The following SIPA1L1 variants were observed in gnomAD, a reference collection of about 807,000 sequenced individuals.
SIPA1L1 encodes signal-induced proliferation-associated 1-like protein 1.
Under a neutral mutation model 162.7 loss-of-function variants are expected in SIPA1L1, and 26 were observed. The observed-to-expected ratio is 0.16, with a 90% CI of 0.12 to 0.22. The LOEUF (loss-of-function observed/expected upper bound fraction) is 0.22, where lower values mean the gene tolerates loss of function less well. Ranked by LOEUF, SIPA1L1 falls within the 10% of genes least tolerant of loss-of-function variation. The pLI is 1.00. For synonymous variants in SIPA1L1, 829 were observed against 837.4 expected (o/e 0.99, Z 0.17); for missense variants, 1,874 against 2,241.0 (o/e 0.84, Z 3.31).
At chr14:71,472,130 A>G (rs1014521541) in intron 2 of SIPA1L1, among the ~76,000 whole-genome samples, 21 of 152,082 alleles carry the variant, frequency 1.4e-4, no homozygotes, top group African/African-American at 4.6e-4. Flanking sequence ...CACCACCCTC[A>G]CTGCTTTGGG....
intron 2 of SIPA1L1, among the ~76,000 whole-genome samples, chr14:71,494,195 T>G (rs193286584): frequency 4.1e-4 from 63 of 152,326 alleles, no homozygotes; most frequent in African/African-American, 1.5e-3. Flanking sequence ...GACGTCCTTG[T>G]TTTGTTCCTG....
intron 2 of SIPA1L1, among the ~76,000 whole-genome samples, chr14:71,373,138 C>T (rs1211160684): frequency 6.6e-6 from 1 of 151,604 alleles, no homozygotes; most frequent in Non-Finnish European, 1.5e-5. Context: ...GGTGAAACCC[C>T]ATGTCTACTA....
chr14:71,590,148 A>C (rs140709614), intron 5 of SIPA1L1, among the ~76,000 whole-genome samples: 1 of 150,626 alleles, frequency 6.6e-6, no homozygotes, highest in East Asian at 1.9e-4. Context: ...GTTTTATCTC[A>C]TACTTTTAAG....
chr14:71,410,760 G>T (rs71427111), intron 2 of SIPA1L1, among the ~76,000 whole-genome samples: 2 of 152,110 alleles, frequency 1.3e-5, no homozygotes, highest in Non-Finnish European at 2.9e-5. Context: ...GAGTCAGGGT[G>T]GGGGGTAAGG....
At chr14:71,650,218 A>G (rs2042508196) in intron 7 of SIPA1L1, 117 bp from the exon 8 acceptor site, 1 of 1,015,920 alleles carries the variant, frequency 9.8e-7, no homozygotes, top group South Asian at 1.3e-5. Flanking sequence ...AAGGATTTCA[A>G]GAGAAGAAAG....
chr14:71,360,053 T>C (rs917021527), intron 2 of SIPA1L1, among the ~76,000 whole-genome samples: 1 of 152,186 alleles, frequency 6.6e-6, no homozygotes, highest in African/African-American at 2.4e-5. Flanking sequence ...AGATCTCCCA[T>C]CTTGTGAGAG....
intron 2 of SIPA1L1, among the ~76,000 whole-genome samples, chr14:71,331,823 T>C (rs1450179575): frequency 6.6e-6 from 1 of 152,164 alleles, no homozygotes; most frequent in East Asian, 1.9e-4. Context: ...AGCACTGTTT[T>C]ATATTTTGGA....
At chr14:71,339,950 G>T (rs550869094) in intron 2 of SIPA1L1, among the ~76,000 whole-genome samples, 1 of 152,302 alleles carries the variant, frequency 6.6e-6, no homozygotes, top group East Asian at 1.9e-4. Flanking sequence ...CTACTGAGTT[G>T]AGGCGTTATC....
intron 5 of SIPA1L1, among the ~76,000 whole-genome samples, chr14:71,606,959 A>G (rs1320882385): frequency 6.6e-6 from 1 of 151,986 alleles, no homozygotes; most frequent in Non-Finnish European, 1.5e-5. Context: ...CTTCATATAC[A>G]GTCATATACA....
intron 2 of SIPA1L1, among the ~76,000 whole-genome samples, chr14:71,480,453 T>TA (rs71448367): frequency 0.055 from 6,843 of 124,692 alleles, 421 homozygotes; most frequent in African/African-American, 0.16. Flanking sequence ...CTCTTAGTCT[T>TA]AAAAAAAAAA....
intron 4 of SIPA1L1, among the ~76,000 whole-genome samples, chr14:71,550,099 A>G (rs1213032080): frequency 2.6e-5 from 4 of 152,100 alleles, no homozygotes; most frequent in East Asian, 3.9e-4. Context: ...ATTTTCAAAA[A>G]AATTAGCCAG....
chr14:71,557,683 C>T (rs1382971097), intron 4 of SIPA1L1, among the ~76,000 whole-genome samples: 1 of 152,122 alleles, frequency 6.6e-6, no homozygotes, highest in Admixed American at 6.5e-5. Flanking sequence ...ATGATTGACT[C>T]CTATGTGAGT....
chr14:71,621,904 TTCTC>T (rs1343277101), intron 6 of SIPA1L1, among the ~76,000 whole-genome samples: 1 of 152,232 alleles, frequency 6.6e-6, no homozygotes, highest in South Asian at 2.1e-4. Context: ...TATAATTTTT[TTCTC>T]TCTAATAATA....
intron 2 of SIPA1L1, among the ~76,000 whole-genome samples, chr14:71,401,090 A>G (rs1219398439): frequency 6.6e-6 from 1 of 152,238 alleles, no homozygotes; most frequent in African/African-American, 2.4e-5. Context: ...TATTTTGAAA[A>G]GTAAATTTGA....
At chr14:71,596,142 C>G (rs563966802) in intron 5 of SIPA1L1, among the ~76,000 whole-genome samples, 1 of 152,074 alleles carries the variant, frequency 6.6e-6, no homozygotes, top group African/African-American at 2.4e-5. Flanking sequence ...TTCAGTCCTT[C>G]AAAGGAAAGA....
intron 2 of SIPA1L1, among the ~76,000 whole-genome samples, chr14:71,487,236 G>C (rs1420426513): frequency 6.6e-6 from 1 of 152,104 alleles, no homozygotes; most frequent in Non-Finnish European, 1.5e-5. Context: ...ATCACCTTCT[G>C]ACTGGTTTAG....
chr14:71,367,499 G>A lies in SIPA1L1; in HGVS notation c.-465+46318G>A, dbSNP rs141551968. On this transcript the variant is annotated intron_variant, in intron 2 of 23. Transcript: ENST00000381232. ...TTTTTTTGTATTTTTTACTGGAGAC[G>A]GGGTTTCACCGTGTTAGCCAGGATG... 5.4e-3 allele frequency among the ~76,000 whole-genome samples: 821 copies of A among 151,538 alleles called. 4 individuals carry two copies. The highest frequency in any genetic ancestry group is 9.4e-3 in the Non-Finnish European group (637 of 67,880).
At chr14:71,636,552 G>A (rs1352412537) in intron 7 of SIPA1L1, among the ~76,000 whole-genome samples, 1 of 152,150 alleles carries the variant, frequency 6.6e-6, no homozygotes, top group Non-Finnish European at 1.5e-5. Flanking sequence ...AGCAGGCTGA[G>A]GGGGAAATTG....
At chr14:71,603,693 C>T (rs756534482) in intron 5 of SIPA1L1, among the ~76,000 whole-genome samples, 4 of 151,810 alleles carry the variant, frequency 2.6e-5, no homozygotes, top group Admixed American at 6.6e-5. Flanking sequence ...GAGGCCGAGG[C>T]GGGTGGATCA....
Sources: allele counts gnomAD v4.1 joint callset (sites outside exome capture counted in the v4.1 genomes callset), GRCh38; gene constraint gnomAD v4.1.1; transcripts MANE v1.5; gene names NCBI Gene and HGNC (gene_info 2026-07-23, HGNC 2026-07-21).